The following UHMK1 variants were observed in gnomAD, a reference collection of about 807,000 sequenced individuals.
UHMK1 encodes the protein U2AF homology motif kinase 1.
Under a neutral mutation model 44.0 loss-of-function variants are expected in UHMK1, and 18 were observed. The ratio of observed to expected loss-of-function variants is 0.41; its 90% CI spans 0.28 to 0.61. UHMK1 has a LOEUF of 0.61. Ranked by LOEUF, UHMK1 falls within the 20% of genes least tolerant of loss-of-function variation. UHMK1 has a pLI of 0.31. For synonymous variants in UHMK1, 231 were observed against 198.5 expected, an observed-to-expected ratio of 1.16 and a Z score of -1.38; for missense variants, 463 against 522.5, an observed-to-expected ratio of 0.89 and a Z score of 1.11.
At chr1:162,517,235 G>T (rs1426994954) in intron 6 of UHMK1, among the ~76,000 whole-genome samples, 1 of 152,144 alleles carries the variant, frequency 6.6e-6, no homozygotes, top group Non-Finnish European at 1.5e-5. Flanking sequence ...GGAGGTGGAG[G>T]TTGCAGTGAG....
intron 3 of UHMK1, among the ~76,000 whole-genome samples, chr1:162,502,824 C>A (rs1238533460): frequency 6.6e-6 from 1 of 152,162 alleles, no homozygotes; most frequent in African/African-American, 2.4e-5. Flanking sequence ...CCATAGTTTG[C>A]TTTCTTTAAA....
At chr1:162,503,979 A>G (rs1651376249) in intron 4 of UHMK1, 131 bp downstream of exon 4, 2 of 719,266 alleles carry the variant, frequency 2.8e-6, no homozygotes, top group East Asian at 5.8e-5. Context: ...AGTTTTACCA[A>G]ATTTGTTTTC....
rs747127752 is a variant in UHMK1 at position 162,501,039 on chromosome 1, A to G, written c.688A>G (p.Ile230Val). ...AGCTGTTGATCTGTGGAGCCTAGGA[A>G]TCATTTTACTGGAAATGTTCTCAGG... ...TSAVDLWSLG[I>V]ILLEMFSGMK... Residue 230 changes from isoleucine to valine, a missense_variant, in exon 3 of 8, where the codon ATC becomes GTC. Around this residue, in one of 3 missense-constraint regions of UHMK1, gnomAD observed 264 missense variants for 326.3 expected, o/e 0.81. Coordinates refer to ENST00000489294, the MANE Select transcript of UHMK1 (RefSeq NM_175866.5). 10 of 1,614,026 alleles carry G rather than the reference A, an allele frequency of 6.2e-6. No individual in the cohort carries two copies. The highest frequency in any genetic ancestry group is 2.7e-5 in the African/African-American group (2 of 74,904).
chr1:162,504,784 C>T (rs914744588), intron 4 of UHMK1, among the ~76,000 whole-genome samples: 8 of 151,974 alleles, frequency 5.3e-5, no homozygotes, highest in Non-Finnish European at 1.0e-4. Context: ...AATTTTTTCT[C>T]CTTTTTTTGA....
chr1:162,503,469 G>A (rs956866753), intron 3 of UHMK1, among the ~76,000 whole-genome samples: 1 of 151,952 alleles, frequency 6.6e-6, no homozygotes, highest in Admixed American at 6.6e-5. Context: ...AAATTAGCTG[G>A]ATGTGATGGC....
chr1:162,522,672 C>T lies in UHMK1; in HGVS notation c.*122C>T. 1 of 1,151,814 alleles carries T rather than the reference C, an allele frequency of 8.7e-7. No homozygotes were observed. The allele number at this position is 1,151,814 out of a possible 1,614,324, so 71.3% of individuals were successfully genotyped here. A position where few individuals can be genotyped will look rare whatever the true frequency, so the allele number is the denominator to read the frequency against. On this transcript the variant is annotated 3_prime_UTR_variant, in exon 8 of 8. Transcript: ENST00000489294. ...TACTTTATACATTTATTTAATCCTA[C>T]TAATGTGCAGCCATTGCCCAAGCAG...
intron 3 of UHMK1, among the ~76,000 whole-genome samples, chr1:162,501,805 T>C (rs1366133495): frequency 6.6e-6 from 1 of 152,072 alleles, no homozygotes; most frequent in African/African-American, 2.4e-5. Flanking sequence ...AAAAATATTT[T>C]TGCTGGGCAT....
At chr1:162,516,702 A>G (rs1345958101) in intron 6 of UHMK1, among the ~76,000 whole-genome samples, 5 of 152,206 alleles carry the variant, frequency 3.3e-5, no homozygotes, top group African/African-American at 1.2e-4. Flanking sequence ...AAAAATATTT[A>G]TAGCTCTTAT....
chr1:162,506,310 C>T (rs1412982130), intron 4 of UHMK1, among the ~76,000 whole-genome samples: 2 of 147,240 alleles, frequency 1.4e-5, no homozygotes, highest in Non-Finnish European at 3.0e-5. Context: ...TATAAACCCA[C>T]ATTCTAGTGT....
intron 7 of UHMK1, among the ~76,000 whole-genome samples, chr1:162,518,505 A>G (rs1359065653): frequency 6.6e-6 from 1 of 150,422 alleles, no homozygotes; most frequent in Non-Finnish European, 1.5e-5. Context: ...GAGATGGTGA[A>G]GCCCTGTCTC....
Position 162,497,928 on chromosome 1 carries a change from TGTG to T in UHMK1, c.-72_-70del. Reference sequence around the variant, plus strand: ...GAGCCGCTGGTCCGGCTGGCGGAGATGTGACCGCGGGCCCGGCCGGCCTGCCTC... The same window carrying T: ...GAGCCGCTGGTCCGGCTGGCGGAGATACCGCGGGCCCGGCCGGCCTGCCTC... On this transcript the variant is annotated 5_prime_UTR_variant, in exon 1 of 8. The change abolishes an upstream ATG in the 5' untranslated region. Transcript: ENST00000489294. 7.0e-7 allele frequency: 1 copy of T among 1,433,590 alleles called. No individual in the cohort carries two copies. The highest frequency in any genetic ancestry group is 9.1e-7 in the Non-Finnish European group (1 of 1,097,150). The allele number at this position is 1,433,590 out of a possible 1,614,324, so 88.8% of individuals were successfully genotyped here.
At position 162,525,047 on chromosome 1, in the gene UHMK1, A is replaced by G. The variant is rs1395803271; in HGVS notation, c.*2497A>G. The G allele has an allele frequency of 6.6e-6, 1 of 152,108 alleles. No individual in the cohort carries two copies. The highest frequency in any genetic ancestry group is 1.5e-5 in the Non-Finnish European group (1 of 68,014). The allele number at this position is 152,108 out of a possible 1,614,324, so 9.4% of individuals were successfully genotyped here. A position where few individuals can be genotyped will look rare whatever the true frequency, so the allele number is the denominator to read the frequency against. On this transcript the variant is annotated 3_prime_UTR_variant, in exon 8 of 8. Coordinates refer to ENST00000489294, the MANE Select transcript of UHMK1 (RefSeq NM_175866.5). ...GTAGCTGGGTTTACAGGCGCTTGCC[A>G]CCACACCTGGCTAGATGTTTTATAT...
At chr1:162,504,436 A>G (rs1295757515) in intron 4 of UHMK1, among the ~76,000 whole-genome samples, 1 of 152,218 alleles carries the variant, frequency 6.6e-6, no homozygotes, top group East Asian at 1.9e-4. Context: ...TGTAAATGAT[A>G]CAGACTTCTG....
chr1:162,526,679 T>C lies in UHMK1; in HGVS notation c.*4129T>C, dbSNP rs1057460387. 3.9e-5 allele frequency: 6 copies of C among 152,162 alleles called. No individual in the cohort carries two copies. Among genetic ancestry groups the C allele is most frequent in the African/African-American group, 1.4e-4 (6 of 41,442 alleles). The allele number at this position is 152,162 out of a possible 1,614,324, so 9.4% of individuals were successfully genotyped here. A position where few individuals can be genotyped will look rare whatever the true frequency, so the allele number is the denominator to read the frequency against. On this transcript the variant is annotated 3_prime_UTR_variant, in exon 8 of 8. Coordinates refer to ENST00000489294, the MANE Select transcript of UHMK1 (RefSeq NM_175866.5). Reference sequence around the variant, plus strand: ...ACCTTTGTTTTATTTTTCATATATATATTCACTGTCTGCCTGGAAATAGCC... The same window carrying C: ...ACCTTTGTTTTATTTTTCATATATACATTCACTGTCTGCCTGGAAATAGCC...
chr1:162,514,051 A>G (rs1651755213), intron 6 of UHMK1, among the ~76,000 whole-genome samples: 1 of 152,248 alleles, frequency 6.6e-6, no homozygotes, highest in South Asian at 2.1e-4. Flanking sequence ...ACCAAGGACA[A>G]CAGTTGTGAA....
Position 162,512,548 on chromosome 1 carries a change from G to A in UHMK1, c.897G>A (p.Leu299=), listed in dbSNP as rs767939547. The part of the protein sequence containing the change: ...PSRRIPAEMA[L]CSPFFSIPFA... Reference sequence around the variant, plus strand: ...GAAGAATTCCTGCTGAAATGGCATTGTGCAGCCCATTCTTTAGCATTCCTT... The same window carrying A: ...GAAGAATTCCTGCTGAAATGGCATTATGCAGCCCATTCTTTAGCATTCCTT... The change falls in exon 5 of 8, where the codon TTG becomes TTA. Residue 299 remains leucine, a synonymous_variant. Transcript: ENST00000489294. 6.2e-7 allele frequency: 1 copy of A among 1,612,920 alleles called. No individual in the cohort carries two copies. Among genetic ancestry groups the A allele is most frequent in the South Asian group, 1.1e-5 (1 of 90,604 alleles).
chr1:162,515,061 C>T (rs1651789121), intron 6 of UHMK1, among the ~76,000 whole-genome samples: 1 of 152,130 alleles, frequency 6.6e-6, no homozygotes. Context: ...ATCCTCTAGA[C>T]TCTTGACCTA....
chr1:162,501,057 T>G lies in UHMK1; in HGVS notation c.706T>G (p.Phe236Val). The change falls in exon 3 of 8, where the codon TTC becomes GTC. Residue 236 changes from phenylalanine to valine, a missense_variant. Around this residue, in one of 3 missense-constraint regions of UHMK1, gnomAD observed 264 missense variants for 326.3 expected, o/e 0.81. Transcript: ENST00000489294. ...WSLGIILLEM[F>V]SGMKLKHTVR... ...CCTAGGAATCATTTTACTGGAAATG[T>G]TCTCAGGAATGAAACTGAAACATAC... 6.2e-7 allele frequency: 1 copy of G among 1,614,176 alleles called. No homozygotes were observed. Among genetic ancestry groups the G allele is most frequent in the Non-Finnish European group, 8.5e-7 (1 of 1,180,026 alleles).
At chr1:162,499,750 G>A (rs759030007) in intron 1 of UHMK1, among the ~76,000 whole-genome samples, 1 of 152,106 alleles carries the variant, frequency 6.6e-6, no homozygotes, top group Non-Finnish European at 1.5e-5. Context: ...ATGGTAATCA[G>A]CTGTTGTAGG....
Sources: allele counts gnomAD v4.1 joint callset (sites outside exome capture counted in the v4.1 genomes callset), GRCh38; gene constraint gnomAD v4.1.1; regional missense constraint gnomAD v4.1.1; transcripts MANE v1.5; gene names NCBI Gene and HGNC (gene_info 2026-07-23, HGNC 2026-07-21).